The following PIEZO1 variants were observed in gnomAD, a reference collection of about 807,000 sequenced individuals.
PIEZO1 encodes the protein piezo-type mechanosensitive ion channel component 1.
PIEZO1 carries 296 observed loss-of-function variants against 297.2 expected under a neutral mutation model. The ratio of observed to expected loss-of-function variants is 1.00; its 90% confidence interval spans 0.91 to 1.10. The LOEUF (loss-of-function observed/expected upper bound fraction) is 1.10. PIEZO1 is among the 50% of genes least tolerant of loss of function. PIEZO1 has a pLI of 0.00. For missense variants in PIEZO1, 5,018 were observed against 3,455.5 expected, an observed-to-expected ratio of 1.45 and a Z score of -11.34; for synonymous variants, 2,427 against 1,507.5, an observed-to-expected ratio of 1.61 and a Z score of -14.13.
intron 5 of PIEZO1, chr16:88,741,032 G>C (rs1905612493): frequency 6.5e-6 from 1 of 154,832 alleles, no homozygotes; most frequent in South Asian, 2.0e-4. Context: ...CCCTGCTTCA[G>C]GCCCGTCGCT....
At position 88,726,548 on chromosome 16, in the gene PIEZO1, G is replaced by A. The variant is rs551659571; in HGVS notation, c.3795C>T (p.Asp1265=). ...CCCGCCACCGTCCTGGCCACTCACG[G>A]TCATAGTAGCCCTTGACGGTGCATA... ...SLVCTVKGYY[D]PKEMMDRDQD... Residue 1265 remains aspartate (D), a splice_region_variant and synonymous_variant, in exon 26 of 51, where the codon GAC becomes GAT. Coordinates refer to ENST00000301015, the MANE Select transcript of PIEZO1 (RefSeq NM_001142864.4). 22 of 1,549,508 alleles carry A rather than the reference G, an allele frequency of 1.4e-5. No individual in the cohort carries two copies. Among genetic ancestry groups the A allele is most frequent in the Non-Finnish European group, 1.7e-5 (20 of 1,146,292 alleles).
chr16:88,777,595 T>C (rs118132614), intron 1 of PIEZO1, among the ~76,000 whole-genome samples: 6,334 of 152,348 alleles, frequency 0.042, 204 homozygotes, highest in Middle Eastern at 0.12. Flanking sequence ...GGATGGACGA[T>C]GGCTTCCCTT....
rs1243796878 is a variant in PIEZO1 at position 88,720,755 on chromosome 16, G to A, written c.5669-7C>T. 2 of 1,479,768 alleles carry A rather than the reference G, an allele frequency of 1.4e-6. No individual in the cohort carries two copies. The highest frequency in any genetic ancestry group is 1.4e-5 in the African/African-American group (1 of 70,394). 91.7% of individuals were successfully genotyped at this position (1,479,768 alleles called of 1,614,324 possible). On this transcript the variant is annotated splice_region_variant and splice_polypyrimidine_tract_variant and intron_variant, in intron 39 of 50. Coordinates refer to ENST00000301015, the MANE Select transcript of PIEZO1 (RefSeq NM_001142864.4). Reference sequence around the variant, plus strand: ...TCCTCCCTGTCCTCAGCTTCTGTAGGGAAAAGCTGACTTCTGCCTGGGCCC... The same window carrying A: ...TCCTCCCTGTCCTCAGCTTCTGTAGAGAAAAGCTGACTTCTGCCTGGGCCC...
chr16:88,726,255 C>T, intron 27 of PIEZO1, 29 bp downstream of exon 27: 2 of 1,531,788 alleles, frequency 1.3e-6, no homozygotes, highest in South Asian at 2.4e-5. Context: ...AAGACGGGAG[C>T]TCTGGGCTGT....
At chr16:88,726,102 G>T (rs1232443362) in intron 27 of PIEZO1, 182 bp downstream of exon 27, 2 of 608,248 alleles carry the variant, frequency 3.3e-6, no homozygotes, top group Non-Finnish European at 5.8e-6. Context: ...CCAGCACTGG[G>T]GCAGAGTGTG....
At chr16:88,735,463 G>A (rs1010252385) in intron 12 of PIEZO1, among the ~76,000 whole-genome samples, 1 of 152,278 alleles carries the variant, frequency 6.6e-6, no homozygotes, top group Non-Finnish European at 1.5e-5. Context: ...ATGAGTGCAT[G>A]GGTTCACTTG....
At chr16:88,732,585 GC>G (rs1567670812) in intron 20 of PIEZO1, 21 bp downstream of exon 20, 1 of 1,544,006 alleles carries the variant, frequency 6.5e-7, no homozygotes, top group Admixed American at 2.0e-5. Context: ...CCGCCCAGCC[GC>G]CCACCAGCCC....
At chr16:88,768,486 C>A (rs143673034) in intron 1 of PIEZO1, among the ~76,000 whole-genome samples, 3 of 152,256 alleles carry the variant, frequency 2.0e-5, no homozygotes, top group Non-Finnish European at 4.4e-5. Flanking sequence ...ACACACTGCC[C>A]TCTCACCCAC....
chr16:88,736,871 A>T (rs891078318), intron 10 of PIEZO1, 132 bp from the exon 11 acceptor site: 2 of 559,064 alleles, frequency 3.6e-6, no homozygotes, highest in African/African-American at 2.1e-5. Context: ...TATGGGCAGA[A>T]CACGAGGGCT....
chr16:88,734,616 G>A, intron 15 of PIEZO1, 34 bp downstream of exon 15: 1 of 1,549,466 alleles, frequency 6.5e-7, no homozygotes, highest in Non-Finnish European at 8.7e-7. Flanking sequence ...CGGGGTTTCG[G>A]CGCCCCTGCC....
chr16:88,722,763 G>A (rs1467724413), intron 34 of PIEZO1, 74 bp from the exon 35 acceptor site: 40 of 1,525,996 alleles, frequency 2.6e-5, no homozygotes, highest in South Asian at 6.0e-5. Flanking sequence ...CAGTGGGCGC[G>A]GGACTAGGCT....
chr16:88,784,223 G>A (rs1908067852), intron 1 of PIEZO1, among the ~76,000 whole-genome samples: 1 of 152,224 alleles, frequency 6.6e-6, no homozygotes, highest in Non-Finnish European at 1.5e-5. Context: ...CTCCGGGGGT[G>A]TCCCCTCCCC....
intron 1 of PIEZO1, among the ~76,000 whole-genome samples, chr16:88,759,782 C>A (rs1037385666): frequency 1.3e-5 from 2 of 152,186 alleles, no homozygotes; most frequent in African/African-American, 4.8e-5. Flanking sequence ...CCAGACGCCC[C>A]GTGCAGCGTT....
chr16:88,726,657 G>C lies in PIEZO1; in HGVS notation c.3700-14C>G, dbSNP rs1234335242. The C allele has an allele frequency of 5.2e-6, 8 of 1,544,622 alleles. No individual in the cohort carries two copies. The highest frequency in any genetic ancestry group is 7.0e-6 in the Non-Finnish European group (8 of 1,143,318). ...GCAGGCCAGGAGCTGGGGGAGAGCA[G>C]GGTCAGCGGGGCCAGCGGGGCCCCA... On this transcript the variant is annotated splice_polypyrimidine_tract_variant and intron_variant, in intron 25 of 50. Coordinates refer to ENST00000301015, the MANE Select transcript of PIEZO1 (RefSeq NM_001142864.4).
At chr16:88,717,372 C>G (rs1912126242) in intron 44 of PIEZO1, 161 bp from the exon 45 acceptor site, 1 of 673,536 alleles carries the variant, frequency 1.5e-6, no homozygotes, top group South Asian at 1.7e-5. Context: ...TGGAGTAGAA[C>G]TAAGAGTCCA....
Position 88,742,081 on chromosome 16 carries a change from T to G in PIEZO1, c.298A>C (p.Thr100Pro). Reference sequence around the variant, plus strand: ...GTGACCCCTATGTGTCGCGAGAGGGTCTCCCAGCGGCTGCCTGCAGAGAAA... The same window carrying G: ...GTGACCCCTATGTGTCGCGAGAGGGGCTCCCAGCGGCTGCCTGCAGAGAAA... ...LLGPSCSRWE[T>P]LSRHIGVTRL... The change falls in exon 4 of 51, where the codon ACC becomes CCC. Residue 100 changes from threonine to proline, a missense_variant. Physicochemically the swap from Thr to Pro is conservative, Grantham distance 38 (BLOSUM62 -1). Coordinates refer to ENST00000301015, the MANE Select transcript of PIEZO1 (RefSeq NM_001142864.4). 1 of 1,535,706 alleles carries G rather than the reference T, an allele frequency of 6.5e-7. No individual in the cohort carries two copies. Among genetic ancestry groups the G allele is most frequent in the South Asian group, 1.2e-5 (1 of 84,044 alleles).
At chr16:88,730,851 G>C (rs575315322) in intron 22 of PIEZO1, among the ~76,000 whole-genome samples, 1 of 152,370 alleles carries the variant, frequency 6.6e-6, no homozygotes, top group South Asian at 2.1e-4. Flanking sequence ...ACAAATGGCA[G>C]CTGTCCTTGA....
At chr16:88,768,903 T>G (rs916270734) in intron 1 of PIEZO1, among the ~76,000 whole-genome samples, 1 of 152,214 alleles carries the variant, frequency 6.6e-6, no homozygotes, top group African/African-American at 2.4e-5. Context: ...AGAATAGCCA[T>G]GGCCGGGGCC....
At chr16:88,758,347 T>A (rs547919114) in intron 1 of PIEZO1, among the ~76,000 whole-genome samples, 56 of 152,232 alleles carry the variant, frequency 3.7e-4, no homozygotes, top group Admixed American at 7.8e-4. Flanking sequence ...TCGTGCTGCA[T>A]CCCAGCCTTG....
Sources: allele counts gnomAD v4.1 joint callset (sites outside exome capture counted in the v4.1 genomes callset), GRCh38; gene constraint gnomAD v4.1.1; transcripts MANE v1.5; gene names NCBI Gene and HGNC (gene_info 2026-07-23, HGNC 2026-07-21).